SRM: variants seen among roughly 807,000 people sequenced by gnomAD.
SRM encodes the protein spermidine synthase.
SRM carries 14 observed loss-of-function variants against 39.3 expected under a neutral mutation model. The observed-to-expected ratio is 0.36, with a 90% CI of 0.24 to 0.56. The LOEUF is 0.56. Ranked by LOEUF, SRM falls within the 20% of genes least tolerant of loss-of-function variation. The pLI, the probability that SRM is intolerant of heterozygous loss-of-function variation, is 0.86. For missense variants in SRM, 244 were observed against 409.2 expected, an observed-to-expected ratio of 0.60 and a Z score of 3.48; for synonymous variants, 195 against 173.1, an observed-to-expected ratio of 1.13 and a Z score of -0.99.
intron 4 of SRM, 91 bp downstream of exon 4, chr1:11,056,513 G>A: frequency 6.7e-7 from 1 of 1,501,480 alleles, no homozygotes. Context: ...GGGGGTGGGA[G>A]GCCGCTCTAT....
At chr1:11,056,490 C>CAGCTCT in intron 4 of SRM, 114 bp downstream of exon 4, 1 of 1,302,718 alleles carries the variant, frequency 7.7e-7, no homozygotes, top group Non-Finnish European at 1.1e-6. Context: ...GGGAAAAGTA[C>CAGCTCT]AGCTCTAGTT....
chr1:11,057,895 C>G (rs539670012), intron 3 of SRM, among the ~76,000 whole-genome samples: 1 of 152,276 alleles, frequency 6.6e-6, no homozygotes, highest in East Asian at 1.9e-4. Context: ...TCTTCCACCT[C>G]AGCCTCCCTA....
chr1:11,057,907 T>C (rs1638907992), intron 3 of SRM, among the ~76,000 whole-genome samples: 1 of 152,122 alleles, frequency 6.6e-6, no homozygotes, highest in East Asian at 1.9e-4. Context: ...GCCTCCCTAG[T>C]AGCTGGGTTT....
intron 3 of SRM, among the ~76,000 whole-genome samples, chr1:11,057,618 C>T (rs564655680): frequency 4.6e-4 from 69 of 150,804 alleles, no homozygotes; most frequent in Non-Finnish European, 2.4e-4. Flanking sequence ...ACCTCCCCCT[C>T]CCTGCACACG....
At chr1:11,055,744 T>TAC in intron 6 of SRM, 37 bp downstream of exon 6, 2 of 1,336,820 alleles carry the variant, frequency 1.5e-6, no homozygotes, top group Non-Finnish European at 2.1e-6. Flanking sequence ...ATGCCCACCT[T>TAC]CCCCCCAACC....
chr1:11,055,730 A>G, intron 6 of SRM, 51 bp downstream of exon 6: 1 of 1,532,268 alleles, frequency 6.5e-7, no homozygotes, highest in Non-Finnish European at 8.8e-7. Flanking sequence ...AGGGATCTCT[A>G]TTTATGCCCA....
chr1:11,055,120 CTTT>C (rs376653450), intron 6 of SRM, 36 bp from the exon 7 acceptor site: 1,643 of 1,423,114 alleles, frequency 1.2e-3, no homozygotes, highest in Admixed American at 4.3e-3. Flanking sequence ...AGGGGGGGCA[CTTT>C]TTTTTTTTTT....
intron 6 of SRM, 157 bp from the exon 7 acceptor site, chr1:11,055,241 AG>A: frequency 8.8e-7 from 1 of 1,131,890 alleles, no homozygotes; most frequent in Non-Finnish European, 1.2e-6. Flanking sequence ...CCTCAGCCTC[AG>A]GTACGCGCCA....
chr1:11,060,011 G>T lies in SRM; in HGVS notation c.-68C>A, dbSNP rs1638955622. On this transcript the variant is annotated 5_prime_UTR_variant, in exon 1 of 8. Transcript: ENST00000376957. The stretch of plus-strand genomic sequence containing the variant: ...GGCCGCGCGGCGCCGCAGCACAACG[G>T]GACCAGCTCCGCCCGCCGCCCGCGC... 1 of 846,026 alleles carries T rather than the reference G, an allele frequency of 1.2e-6. No homozygotes were observed. Among genetic ancestry groups the T allele is most frequent in the Non-Finnish European group, 1.4e-6 (1 of 705,060 alleles). The allele number at this position is 846,026 out of a possible 1,614,324, so 52.4% of individuals were successfully genotyped here. A position where few individuals can be genotyped will look rare whatever the true frequency, so the allele number is the denominator to read the frequency against.
chr1:11,059,708 C>T (rs1244528431), intron 1 of SRM, 69 bp downstream of exon 1: 1 of 1,496,850 alleles, frequency 6.7e-7, no homozygotes, highest in Non-Finnish European at 8.9e-7. Flanking sequence ...CGTGGAGAGG[C>T]CCGTGAGGCG....
At chr1:11,059,701 GGA>G in intron 1 of SRM, 74 bp downstream of exon 1, 1 of 1,471,302 alleles carries the variant, frequency 6.8e-7, no homozygotes, top group South Asian at 1.3e-5. Flanking sequence ...GTCCCGGCGT[GGA>G]GAGGCCCGTG....
intron 2 of SRM, 103 bp downstream of exon 2, chr1:11,059,122 C>T: frequency 6.3e-7 from 1 of 1,578,826 alleles, no homozygotes; most frequent in Non-Finnish European, 8.6e-7. Flanking sequence ...CCTGGCCTCG[C>T]TAGCACTTTC....
Position 11,055,898 on chromosome 1 carries a change from G to A in SRM, c.648C>T (p.Leu216=). ...GGCAGAACTGCCGCATCTCCTTGATGAGGTCCAGGTGCAGCCACTGGCACT... is the reference window on the plus strand; with the variant it reads ...GGCAGAACTGCCGCATCTCCTTGATAAGGTCCAGGTGCAGCCACTGGCACT... ...QGECQWLHLD[L]IKEMRQFCQS... is the part of the protein sequence containing the mutation. The change falls in exon 6 of 8, where the codon CTC becomes CTT. Residue 216 remains leucine, a synonymous_variant. Transcript: ENST00000376957. 6.2e-7 allele frequency: 1 copy of A among 1,609,028 alleles called. No homozygotes were observed. Among genetic ancestry groups the A allele is most frequent in the Non-Finnish European group, 8.5e-7 (1 of 1,176,690 alleles).
intron 6 of SRM, 29 bp downstream of exon 6, chr1:11,055,752 A>ACCCCCCCCCCCCCCAC: frequency 6.8e-7 from 1 of 1,466,030 alleles, no homozygotes. Flanking sequence ...CTTCCCCCCA[A>ACCCCCCCCCCCCCCAC]CCCCCACCCC....
In SRM at chr1:11,059,255, C is replaced by T. The variant is rs754025276; in HGVS notation, c.258G>A (p.Leu86=). The T allele has an allele frequency of 1.2e-5, 19 of 1,613,548 alleles. No homozygotes were observed. The highest frequency in any genetic ancestry group is 2.2e-5 in the South Asian group (2 of 91,088). Reference sequence around the variant, plus strand: ...GCGGGTTGGGGTGGCTGCAGAGAGGCAGGTTGGCGATCATCTCCTGGTAGG... The same window carrying T: ...GCGGGTTGGGGTGGCTGCAGAGAGGTAGGTTGGCGATCATCTCCTGGTAGG... ...EFSYQEMIAN[L]PLCSHPNPRK... The change falls in exon 2 of 8, where the codon CTG becomes CTA. Residue 86 remains leucine (L), a synonymous_variant. Transcript: ENST00000376957.
intron 3 of SRM, among the ~76,000 whole-genome samples, chr1:11,057,574 T>C (rs1426670325): frequency 1.3e-5 from 2 of 151,058 alleles, no homozygotes; most frequent in Non-Finnish European, 3.0e-5. Flanking sequence ...TTTCCTATTT[T>C]AGAAGGATGC....
At position 11,055,820 on chromosome 1, in the gene SRM, G is replaced by C. The variant is rs142827384; in HGVS notation, c.726C>G (p.Pro242=). 13 of 1,611,390 alleles carry C rather than the reference G, an allele frequency of 8.1e-6. No homozygotes were observed. In the African/African-American group the frequency reaches 1.5e-4, roughly 18 times the overall value. Residue 242 remains proline, a synonymous_variant, in exon 6 of 8, where the codon CCC becomes CCG. Coordinates refer to ENST00000376957, the MANE Select transcript of SRM (RefSeq NM_003132.3). ...ACAGCATGAAGCCGATCTGGCCGCT[G>C]GGGTAGGTGGGGATGGTGCAGTAGG... ...AYAYCTIPTY[P]SGQIGFMLCS... is the part of the protein sequence containing the mutation.
rs771471508 is a variant in SRM, at chr1:11,055,103, G to A, written c.766-19C>T. ...TCGTGCTCTGGGGACCGGGCCAGGG[G>A]CACATCAGGGGGGGCACTTTTTTTT... On this transcript the variant is annotated intron_variant, in intron 6 of 7. Coordinates refer to ENST00000376957, the MANE Select transcript of SRM (RefSeq NM_003132.3). 1.1e-5 allele frequency: 18 copies of A among 1,586,560 alleles called. No individual in the cohort carries two copies. In the South Asian group the frequency reaches 1.4e-4, roughly 12 times the overall value.
chr1:11,058,070 C>A (rs1413257877), intron 3 of SRM, among the ~76,000 whole-genome samples: 6 of 152,156 alleles, frequency 3.9e-5, no homozygotes, highest in Non-Finnish European at 7.3e-5. Flanking sequence ...TGAGCCACCA[C>A]GTCTGGCCAT....
Sources: allele counts gnomAD v4.1 joint callset (sites outside exome capture counted in the v4.1 genomes callset), GRCh38; gene constraint gnomAD v4.1.1; transcripts MANE v1.5; gene names NCBI Gene and HGNC (gene_info 2026-07-23, HGNC 2026-07-21).